The following SEMA4D variants were observed in gnomAD, a reference collection of about 807,000 sequenced individuals.
SEMA4D encodes semaphorin 4D, also known as semaphorin-4D.
In SEMA4D, 22 loss-of-function variants were observed where a neutral mutation model predicts 74.8. The ratio of observed to expected loss-of-function variants is 0.29; its 90% CI spans 0.21 to 0.42. The LOEUF (loss-of-function observed/expected upper bound fraction) is 0.42. Ranked by LOEUF, SEMA4D falls within the 10% of genes least tolerant of loss-of-function variation. SEMA4D has a pLI of 1.00. For synonymous variants in SEMA4D, 445 were observed against 463.7 expected (o/e 0.96, Z 0.52); for missense variants, 937 against 1,118.4 (o/e 0.84, Z 2.31).
At chr9:89,363,275 C>G (rs368390278) in intron 18 of SEMA4D, among the ~76,000 whole-genome samples, 2 of 152,164 alleles carry the variant, frequency 1.3e-5, no homozygotes, top group African/African-American at 2.4e-5. Context: ...TTTCCCCCCC[C>G]AGTGTTGCAG....
chr9:89,455,065 A>T (rs1855603792), intron 2 of SEMA4D, among the ~76,000 whole-genome samples: 1 of 152,232 alleles, frequency 6.6e-6, no homozygotes, highest in Admixed American at 6.5e-5. Context: ...GGCCAGAGAA[A>T]ACGGGTAGCC....
intron 16 of SEMA4D, among the ~76,000 whole-genome samples, chr9:89,366,016 C>G (rs909761765): frequency 2.0e-5 from 3 of 152,216 alleles, no homozygotes; most frequent in African/African-American, 7.2e-5. Context: ...TTTAGCTGGG[C>G]AGTCCTAGGA....
intron 2 of SEMA4D, among the ~76,000 whole-genome samples, chr9:89,425,517 C>A (rs1337028849): frequency 3.3e-5 from 5 of 152,236 alleles, no homozygotes; most frequent in Non-Finnish European, 7.3e-5. Context: ...GCTGCTCACA[C>A]CTCCCATGTT....
chr9:89,404,125 C>T (rs1212089885), intron 3 of SEMA4D, among the ~76,000 whole-genome samples: 2 of 152,120 alleles, frequency 1.3e-5, no homozygotes, highest in African/African-American at 2.4e-5. Flanking sequence ...GTCAGAAACC[C>T]GGGTCCCCAG....
At chr9:89,437,353 G>A (rs1850678857) in intron 2 of SEMA4D, among the ~76,000 whole-genome samples, 1 of 152,162 alleles carries the variant, frequency 6.6e-6, no homozygotes, top group South Asian at 2.1e-4. Context: ...GATGCAGTGA[G>A]TATTGCCCAA....
At position 89,381,481 on chromosome 9, in the gene SEMA4D, C is replaced by T; in HGVS notation, c.1447-135G>A. ...GACATTGCAGTAAGGAGGAGAGGTA[C>T]TCAGAACCAGAGGCAAACAAGGCAG... is the stretch of plus-strand genomic sequence containing the variant. On this transcript the variant is annotated intron_variant, in intron 13 of 15. Coordinates refer to ENST00000422704, the MANE Select transcript of SEMA4D (RefSeq NM_001371194.2). The surrounding 1 kb of genome is among the most constrained non-coding windows in gnomAD (Gnocchi z 4.6). 3.5e-6 allele frequency: 3 copies of T among 849,408 alleles called. No individual in the cohort carries two copies. Among genetic ancestry groups the T allele is most frequent in the Non-Finnish European group, 5.2e-6 (3 of 577,822 alleles). The allele number at this position is 849,408 out of a possible 1,614,324, so 52.6% of individuals were successfully genotyped here.
At chr9:89,411,133 G>A in intron 2 of SEMA4D, among the ~76,000 whole-genome samples, 1 of 152,206 alleles carries the variant, frequency 6.6e-6, no homozygotes, top group East Asian at 1.9e-4. Context: ...ATGGGGCGGG[G>A]CAGGAGAAGG....
At chr9:89,476,843 A>G (rs960870420) in intron 1 of SEMA4D, among the ~76,000 whole-genome samples, 1 of 152,172 alleles carries the variant, frequency 6.6e-6, no homozygotes, top group Non-Finnish European at 1.5e-5. Context: ...CCATGACCAC[A>G]TGGCACCAAC....
At position 89,377,281 on chromosome 9, in the gene SEMA4D, A is replaced by G. The variant is rs1431757226; in HGVS notation, c.*1423T>C. ...TTATTTGGGTACTTTCCAAATGTATACAATTCAAAGTAGAAAAATAAAAAC... is the reference window on the plus strand; with the variant it reads ...TTATTTGGGTACTTTCCAAATGTATGCAATTCAAAGTAGAAAAATAAAAAC... On this transcript the variant is annotated 3_prime_UTR_variant, in exon 16 of 16. Coordinates refer to ENST00000422704, the MANE Select transcript of SEMA4D (RefSeq NM_001371194.2). The G allele has an allele frequency of 5.5e-6, 3 of 544,802 alleles. No homozygotes were observed. The highest frequency in any genetic ancestry group is 8.8e-6 in the Non-Finnish European group (3 of 339,022). The allele number at this position is 544,802 out of a possible 1,614,324, so 33.7% of individuals were successfully genotyped here.
chr9:89,403,941 AAG>A lies in SEMA4D; in HGVS notation c.107-927_107-926del, dbSNP rs560820208. Among the ~76,000 whole-genome samples, 14 of 152,316 alleles carry A rather than the reference AAG, an allele frequency of 9.2e-5. No homozygotes were observed. The East Asian group carries it at 1.3e-3, about 15-fold the overall frequency. On this transcript the variant is annotated intron_variant, in intron 3 of 15. Transcript: ENST00000422704. ...CAGACCCTGACTTCGAGAAAAAACA[AAG>A]AGAGTCAGGTGTTCATACTTTCTGT...
chr9:89,490,180 T>C (rs976548044), intron 1 of SEMA4D, among the ~76,000 whole-genome samples: 4 of 152,224 alleles, frequency 2.6e-5, no homozygotes, highest in African/African-American at 9.6e-5. Flanking sequence ...CATTTACCCA[T>C]GTTTTAACTG....
At chr9:89,375,701 G>A (rs559275976), downstream of SEMA4D, among the ~76,000 whole-genome samples, 1 of 152,228 alleles carries the variant, frequency 6.6e-6, no homozygotes, top group South Asian at 2.1e-4. Context: ...GGGCCACCAG[G>A]GCTACCACGC....
chr9:89,394,454 C>A (rs1409730400), intron 6 of SEMA4D, among the ~76,000 whole-genome samples: 1 of 152,198 alleles, frequency 6.6e-6, no homozygotes. Flanking sequence ...CAGGCAAAAT[C>A]CAGCAAGTGA....
chr9:89,455,008 G>T (rs528080087), intron 2 of SEMA4D, among the ~76,000 whole-genome samples: 3 of 152,278 alleles, frequency 2.0e-5, no homozygotes, highest in Non-Finnish European at 2.9e-5. Flanking sequence ...CAGCAGCCCT[G>T]CAGGGCAGGC....
intron 2 of SEMA4D, among the ~76,000 whole-genome samples, chr9:89,414,766 C>T (rs948628573): frequency 3.3e-5 from 5 of 152,184 alleles, no homozygotes; most frequent in African/African-American, 1.2e-4. Context: ...ACATGCCTAG[C>T]CCTGGACCTG....
intron 2 of SEMA4D, among the ~76,000 whole-genome samples, chr9:89,416,384 C>T (rs1193945468): frequency 6.6e-6 from 1 of 152,224 alleles, no homozygotes; most frequent in African/African-American, 2.4e-5. Context: ...AGGAAGACAA[C>T]ACCATTACAA....
intron 1 of SEMA4D, among the ~76,000 whole-genome samples, chr9:89,490,548 C>T (rs1226617613): frequency 1.3e-5 from 2 of 152,128 alleles, no homozygotes; most frequent in African/African-American, 4.8e-5. Flanking sequence ...ATAAAAAAGG[C>T]TTTGTGTTAG....
At chr9:89,369,974 TGTG>T (rs1344217823) in intron 16 of SEMA4D, among the ~76,000 whole-genome samples, 21 of 152,006 alleles carry the variant, frequency 1.4e-4, no homozygotes, top group South Asian at 4.1e-4. Flanking sequence ...GTGCAGTATG[TGTG>T]GTGGTGTGTG....
At chr9:89,389,355 GAGGTGCT>G (rs1404690257) in intron 9 of SEMA4D, among the ~76,000 whole-genome samples, 1 of 152,192 alleles carries the variant, frequency 6.6e-6, no homozygotes, top group Non-Finnish European at 1.5e-5. Context: ...TGCAACCGCA[GAGGTGCT>G]GCCGTGCTCA....
Sources: gnomAD v4.1 joint callset for allele counts (sites outside exome capture counted in the v4.1 genomes callset) on GRCh38, gnomAD v4.1.1 for gene constraint, Gnocchi (gnomAD v3.1) non-coding constraint, MANE v1.5 for transcripts, NCBI Gene and HGNC (gene_info 2026-07-23, HGNC 2026-07-21) for gene names.